The following COL5A3 variants were observed in gnomAD, a reference collection of about 807,000 sequenced individuals.
COL5A3 encodes the protein collagen type V alpha 3 chain.
A neutral mutation model predicts 250.0 loss-of-function variants in COL5A3; 172 were observed. The observed-to-expected ratio is 0.69, with a 90% CI of 0.61 to 0.78. The LOEUF is 0.78. Ranked by LOEUF, COL5A3 falls within the 30% of genes least tolerant of loss-of-function variation. The pLI, the probability that COL5A3 is intolerant of heterozygous loss-of-function variation, is 0.00. For synonymous variants in COL5A3, 937 were observed against 900.4 expected, an observed-to-expected ratio of 1.04 and a Z score of -0.73; for missense variants, 2,340 against 2,334.4, an observed-to-expected ratio of 1.00 and a Z score of -0.05.
At chr19:9,988,694 G>C (rs1165144819) in intron 27 of COL5A3, among the ~76,000 whole-genome samples, 1 of 151,722 alleles carries the variant, frequency 6.6e-6, no homozygotes, top group Non-Finnish European at 1.5e-5. Flanking sequence ...ACCCAGGAGT[G>C]GTGGTGCATG....
rs757346625 is a variant in COL5A3, at chr19:9,974,353, C to T, written c.3398G>A (p.Gly1133Glu). The T allele has an allele frequency of 1.2e-6, 2 of 1,612,948 alleles. No individual in the cohort carries two copies. Among genetic ancestry groups the T allele is most frequent in the East Asian group, 2.2e-5 (1 of 44,846 alleles). The change falls in exon 46 of 67, where the codon GGA becomes GAA. Residue 1133 changes from glycine to glutamate, a missense_variant. This residue lies in a region of COL5A3 where 1,179 missense variants were observed against 1,162.6 expected (regional missense o/e 1.01). Coordinates refer to ENST00000264828, the MANE Select transcript of COL5A3 (RefSeq NM_015719.4). ...RGPPGLFGQK[G>E]DDGVRGFVGV... The stretch of plus-strand genomic sequence containing the variant: ...CACAAAGCCTCTGACTCCGTCATCT[C>T]CTTTCTGCCCAAAGAGGCCTGGGGG...
chr19:9,997,411 G>T lies in COL5A3; in HGVS notation c.1223C>A (p.Pro408His), dbSNP rs1044799204. Residue 408 changes from proline (P) to histidine (H), a missense_variant, in exon 11 of 67, where the codon CCT (proline) becomes CAT (histidine). Transcript: ENST00000264828. ...GCCAGGGAATCCTGGGGGGCCGGGA[G>T]GGCCTGAGGGGCCAACCACCCCCTG... ...GPQGVVGPSG[P>H]PGPPGFPGDP... The T allele has an allele frequency of 2.5e-6, 4 of 1,608,628 alleles. No individual in the cohort carries two copies. The African/African-American group carries it at 5.3e-5, about 21-fold the overall frequency.
At position 9,967,404 on chromosome 19, in the gene COL5A3, T is replaced by C. The variant is rs765130236; in HGVS notation, c.4405-4A>G. 20 of 1,498,982 alleles carry C rather than the reference T, an allele frequency of 1.3e-5. No individual in the cohort carries two copies. The African/African-American group carries it at 2.6e-4, about 20-fold the overall frequency. 92.9% of individuals were successfully genotyped at this position (1,498,982 alleles called of 1,614,324 possible). ...CTCCACGGGGGCCCATGGACCCCTG[T>C]AGGGAGAAGTCACTTGGAGAATGAA... On this transcript the variant is annotated splice_region_variant and splice_polypyrimidine_tract_variant and intron_variant, in intron 61 of 66. Coordinates refer to ENST00000264828, the MANE Select transcript of COL5A3 (RefSeq NM_015719.4).
rs763900624 is a variant in COL5A3, at chr19:9,993,679, A to G, written c.1642-7T>C. 21 of 1,613,984 alleles carry G rather than the reference A, an allele frequency of 1.3e-5. No individual in the cohort carries two copies. The highest frequency in any genetic ancestry group is 9.9e-5 in the South Asian group (9 of 91,084). On this transcript the variant is annotated splice_polypyrimidine_tract_variant and splice_region_variant and intron_variant, in intron 17 of 66. Coordinates refer to ENST00000264828, the MANE Select transcript of COL5A3 (RefSeq NM_015719.4). ...CATCGAAGCCACGATCACCCTGTCCAGAGACACCAGTGAGCCTTGACCCCA... is the reference window on the plus strand; with the variant it reads ...CATCGAAGCCACGATCACCCTGTCCGGAGACACCAGTGAGCCTTGACCCCA...
In COL5A3 at chr19:10,005,623, G is replaced by A. The variant is rs780192950; in HGVS notation, c.529C>T (p.Arg177Cys). Reference protein sequence around the residue: ...AQPPVLGHGPRFISIAGLTVL... With the variant: ...AQPPVLGHGPCFISIAGLTVL... ...GTGAGTCCAGCTATGCTGATGAAGC[G>A]GGGGCCATGGCCCAAAACAGGGGGC... The change falls in exon 4 of 67, where the codon CGC becomes TGC. Residue 177 changes from arginine (R) to cysteine (C), a missense_variant. Coordinates refer to ENST00000264828, the MANE Select transcript of COL5A3 (RefSeq NM_015719.4). 38 of 1,613,972 alleles carry A rather than the reference G, an allele frequency of 2.4e-5. No homozygotes were observed. The highest frequency in any genetic ancestry group is 1.1e-4 in the South Asian group (10 of 91,080).
In COL5A3 at chr19:9,960,747, G is replaced by A. The variant is rs751414107; in HGVS notation, c.4995C>T (p.Tyr1665=). Residue 1665 remains tyrosine (Y), a synonymous_variant, in exon 66 of 67, where the codon TAC becomes TAT. Coordinates refer to ENST00000264828, the MANE Select transcript of COL5A3 (RefSeq NM_015719.4). ...AAWLDEATGD[Y]SHSARFLGTN... ...TGCCAAGGAAGCGGGCGGAGTGGCT[G>A]TAGTCACCCGTGGCTTCGTCCAGCC... 1.4e-5 allele frequency: 23 copies of A among 1,613,978 alleles called. No individual in the cohort carries two copies. The South Asian group carries it at 1.6e-4, about 12-fold the overall frequency.
intron 24 of COL5A3, among the ~76,000 whole-genome samples, chr19:9,990,347 T>C (rs2087167589): frequency 7.0e-6 from 1 of 141,924 alleles, no homozygotes; most frequent in African/African-American, 2.8e-5. Flanking sequence ...TGAGCTGAGA[T>C]CATGCCATTG....
intron 6 of COL5A3, 126 bp from the exon 7 acceptor site, chr19:10,002,007 G>A (rs2087370872): frequency 3.0e-6 from 2 of 662,428 alleles, no homozygotes; most frequent in Non-Finnish European, 2.6e-6. Context: ...TCCCCAAAGA[G>A]CACCAGAGGC....
chr19:10,005,701 C>A lies in COL5A3; in HGVS notation c.451G>T (p.Ala151Ser). 6.2e-7 allele frequency: 1 copy of A among 1,607,440 alleles called. No individual in the cohort carries two copies. Among genetic ancestry groups the A allele is most frequent in the Non-Finnish European group, 8.5e-7 (1 of 1,175,260 alleles). ...ACCATCTCACCATCTATGCTGACGG[C>A]CACACGGTGCCACCTGCAAGGGGAC... ...NLTDGRWHRV[A>S]VSIDGEMVTL... The change falls in exon 4 of 67, where the codon GCC (alanine) becomes TCC (serine). Residue 151 changes from alanine (A) to serine (S), a missense_variant. Physicochemically the swap from Ala to Ser is moderately conservative, Grantham distance 99. This residue lies in a region of COL5A3 where 1,152 missense variants were observed against 1,146.3 expected (regional missense o/e 1.00). Coordinates refer to ENST00000264828, the MANE Select transcript of COL5A3 (RefSeq NM_015719.4).
intron 23 of COL5A3, 58 bp downstream of exon 23, chr19:9,991,730 G>C: frequency 1.9e-6 from 3 of 1,595,562 alleles, no homozygotes; most frequent in South Asian, 1.1e-5. Flanking sequence ...GCCTGGTCAC[G>C]GTCTAAGGTC....
intron 29 of COL5A3, 40 bp downstream of exon 29, chr19:9,986,513 C>T (rs200511983): frequency 3.9e-4 from 627 of 1,612,760 alleles, no homozygotes; most frequent in Non-Finnish European, 5.1e-4. Context: ...TTCCCCGAGC[C>T]CCCAGACCCA....
intron 64 of COL5A3, 60 bp from the exon 65 acceptor site, chr19:9,962,947 C>T (rs2086692706): frequency 3.3e-6 from 4 of 1,224,946 alleles, no homozygotes; most frequent in South Asian, 2.6e-5. Context: ...TAGATCTCAT[C>T]TGCATTTCCC....
At position 9,986,361 on chromosome 19, in the gene COL5A3, G is replaced by A. The variant is rs770509108; in HGVS notation, c.2306C>T (p.Ala769Val). Reference protein sequence around the residue: ...EDGPEGPKGQAGQAGEEGPPG... With the variant: ...EDGPEGPKGQVGQAGEEGPPG... ...GGGCCCCTCCTCGCCAGCCTGCCCC[G>A]CCTGCCCCTTCGGCCCCTCAGGACC... Residue 769 changes from alanine to valine, a missense_variant, in exon 30 of 67, where the codon GCG becomes GTG. By Grantham distance (64) the Ala-to-Val change is moderately conservative (BLOSUM62 0). Transcript: ENST00000264828. 1.4e-5 allele frequency: 23 copies of A among 1,602,164 alleles called. No homozygotes were observed. The Admixed American group carries it at 1.9e-4, about 13-fold the overall frequency.
In COL5A3 at chr19:10,001,583, T is replaced by C. The variant is rs142790068; in HGVS notation, c.1051A>G (p.Met351Val). 13 of 1,614,020 alleles carry C rather than the reference T, an allele frequency of 8.1e-6. No homozygotes were observed. Among genetic ancestry groups the C allele is most frequent in the African/African-American group, 5.3e-5 (4 of 74,922 alleles). Residue 351 changes from methionine to valine, a missense_variant, in exon 8 of 67, where the codon ATG becomes GTG. Met to Val is a conservative substitution (Grantham distance 21, BLOSUM62 1). Coordinates refer to ENST00000264828, the MANE Select transcript of COL5A3 (RefSeq NM_015719.4). Reference protein sequence around the residue: ...REDEEGDDSTMGPDFRAAEYP... With the variant: ...REDEEGDDSTVGPDFRAAEYP... ...TCTGCTGCCCGGAAGTCAGGGCCCA[T>C]GGTGGAATCATCTCCTTCTTCATCC... is the stretch of plus-strand genomic sequence containing the variant.
In COL5A3 at chr19:9,966,727, T is replaced by C. The variant is rs753737838; in HGVS notation, c.4478A>G (p.His1493Arg). The C allele has an allele frequency of 2.0e-6, 3 of 1,534,694 alleles. No individual in the cohort carries two copies. The highest frequency in any genetic ancestry group is 1.4e-5 in the African/African-American group (1 of 72,572). The stretch of plus-strand genomic sequence containing the variant: ...GAAGCGCCGGCGCCTGCGCAGCCCA[T>C]GCAGCTCGGCAGGGGCACCCTGGGC... ...PGPPGAPAEL[H>R]GLRRRRRFVP... Residue 1493 changes from histidine to arginine, a missense_variant, in exon 63 of 67, where the codon CAT becomes CGT. Coordinates refer to ENST00000264828, the MANE Select transcript of COL5A3 (RefSeq NM_015719.4).
chr19:9,982,180 C>A, intron 31 of COL5A3, 62 bp from the exon 32 acceptor site: 1 of 1,132,750 alleles, frequency 8.8e-7, no homozygotes, highest in Admixed American at 2.3e-5. Context: ...GTGGAATTGG[C>A]CCCTCATACC....
intron 65 of COL5A3, 24 bp downstream of exon 65, chr19:9,962,795 C>T (rs1416942708): frequency 6.3e-7 from 1 of 1,588,660 alleles, no homozygotes; most frequent in Non-Finnish European, 8.6e-7. Context: ...CATGTCACTC[C>T]CCATCTCGGC....
chr19:10,005,737 C>A (rs760731579), intron 3 of COL5A3, 23 bp from the exon 4 acceptor site: 7 of 1,599,866 alleles, frequency 4.4e-6, no homozygotes, highest in African/African-American at 2.7e-5. Flanking sequence ...GGCCTCAGTG[C>A]GGGTGCTTCT....
Position 9,985,867 on chromosome 19 carries a change from C to A in COL5A3, c.2381G>T (p.Gly794Val), listed in dbSNP as rs1463112408. 1 of 1,613,884 alleles carries A rather than the reference C, an allele frequency of 6.2e-7. No homozygotes were observed. Among genetic ancestry groups the A allele is most frequent in the African/African-American group, 1.3e-5 (1 of 74,890 alleles). Residue 794 changes from glycine (G) to valine (V), a missense_variant, in exon 31 of 67, where the codon GGT (glycine) becomes GTT (valine). Physicochemically the swap from Gly to Val is moderately radical, Grantham distance 109 (BLOSUM62 -3). Around this residue, in one of 3 missense-constraint regions of COL5A3, gnomAD observed 1,152 missense variants for 1,146.3 expected, o/e 1.00. Transcript: ENST00000264828. ...CTTAGGTCCAGGGCGTCCTGGATAA[C>A]CTGGGAGGCCTGGCACCCCAAGCTT... ...KGKLGVPGLP[G>V]YPGRPGPKGS...
Sources: allele counts gnomAD v4.1 joint callset (sites outside exome capture counted in the v4.1 genomes callset), GRCh38; gene constraint gnomAD v4.1.1; regional missense constraint gnomAD v4.1.1; transcripts MANE v1.5; gene names NCBI Gene and HGNC (gene_info 2026-07-23, HGNC 2026-07-21).